LAMA2: variants seen among roughly 807,000 people sequenced by gnomAD.
The protein encoded by LAMA2 is laminin subunit alpha-2.
Under a neutral mutation model 364.8 loss-of-function variants are expected in LAMA2, and 269 were observed. The observed-to-expected ratio is 0.74, with a 90% confidence interval of 0.67 to 0.82. The LOEUF (loss-of-function observed/expected upper bound fraction) is 0.82. Ranked by LOEUF, LAMA2 falls within the 40% of genes least tolerant of loss-of-function variation. The pLI is 0.00. For synonymous variants in LAMA2, 1,379 were observed against 1,370.6 expected, an observed-to-expected ratio of 1.01 and a Z score of -0.14; for missense variants, 3,807 against 3,873.2, an observed-to-expected ratio of 0.98 and a Z score of 0.45.
At chr6:129,187,341 A>G (rs541330991) in intron 10 of LAMA2, among the ~76,000 whole-genome samples, 2 of 151,924 alleles carry the variant, frequency 1.3e-5, no homozygotes, top group Non-Finnish European at 3.0e-5. Flanking sequence ...AATGTGCACA[A>G]AAGTCCCAGA....
At chr6:128,920,686 T>C (rs1340690328) in intron 1 of LAMA2, among the ~76,000 whole-genome samples, 3 of 151,420 alleles carry the variant, frequency 2.0e-5, no homozygotes, top group Non-Finnish European at 4.4e-5. Flanking sequence ...ATATATATTA[T>C]ATATACATGT....
At chr6:129,055,042 T>A (rs1042679847) in intron 2 of LAMA2, among the ~76,000 whole-genome samples, 14 of 151,178 alleles carry the variant, frequency 9.3e-5, no homozygotes, top group Admixed American at 6.6e-4. Flanking sequence ...TGTTTTCACA[T>A]TGAAACCAAA....
Position 129,441,101 on chromosome 6 carries a change from G to A in LAMA2, c.6268+103G>A, listed in dbSNP as rs1280031165. The A allele has an allele frequency of 6.0e-6, 6 of 994,144 alleles. No individual in the cohort carries two copies. The African/African-American group carries it at 8.1e-5, about 13-fold the overall frequency. The allele number at this position is 994,144 out of a possible 1,614,324, so 61.6% of individuals were successfully genotyped here. Reference sequence around the variant, plus strand: ...GAGTTGGAAAGACCCTCATGGTGGTGTAGTCTGCCTTCCTTCTTTCATAGA... The same window carrying A: ...GAGTTGGAAAGACCCTCATGGTGGTATAGTCTGCCTTCCTTCTTTCATAGA... On this transcript the variant is annotated intron_variant, in intron 43 of 64. Coordinates refer to ENST00000421865, the MANE Select transcript of LAMA2 (RefSeq NM_000426.4).
chr6:128,949,165 C>A (rs544910648), intron 1 of LAMA2, among the ~76,000 whole-genome samples: 3 of 152,154 alleles, frequency 2.0e-5, no homozygotes, highest in Admixed American at 2.0e-4. Context: ...ACAAGACCAG[C>A]GAGGGCTACT....
intron 9 of LAMA2, among the ~76,000 whole-genome samples, chr6:129,171,087 T>C (rs1002484979): frequency 1.2e-4 from 19 of 152,186 alleles, no homozygotes; most frequent in African/African-American, 4.6e-4. Flanking sequence ...TGAGATGGGT[T>C]TCCTGAATAC....
chr6:129,159,860 A>G (rs1006453783), intron 8 of LAMA2, among the ~76,000 whole-genome samples: 4 of 152,240 alleles, frequency 2.6e-5, no homozygotes, highest in African/African-American at 9.6e-5. Context: ...TGAAATGAAC[A>G]TAAGGATTTT....
intron 4 of LAMA2, among the ~76,000 whole-genome samples, chr6:129,118,704 C>A (rs1228429066): frequency 6.6e-6 from 1 of 152,136 alleles, no homozygotes; most frequent in Admixed American, 6.6e-5. Flanking sequence ...CTTTAATAGA[C>A]TGGAACATAT....
At chr6:128,938,897 C>T (rs1190282108) in intron 1 of LAMA2, among the ~76,000 whole-genome samples, 2 of 152,164 alleles carry the variant, frequency 1.3e-5, no homozygotes, top group Non-Finnish European at 2.9e-5. Flanking sequence ...AAAAACCTAA[C>T]AATGACTTCA....
intron 4 of LAMA2, among the ~76,000 whole-genome samples, chr6:129,106,275 T>G (rs954133530): frequency 6.6e-6 from 1 of 152,086 alleles, no homozygotes; most frequent in African/African-American, 2.4e-5. Context: ...GACATTATGG[T>G]GGTCCTTAGA....
chr6:129,419,032 A>G (rs1780938483), intron 40 of LAMA2, among the ~76,000 whole-genome samples: 1 of 151,954 alleles, frequency 6.6e-6, no homozygotes, highest in Non-Finnish European at 1.5e-5. Context: ...CTACTCTCTT[A>G]GCAAAGCCAT....
At chr6:129,462,276 G>A (rs553342589) in intron 49 of LAMA2, among the ~76,000 whole-genome samples, 1 of 151,728 alleles carries the variant, frequency 6.6e-6, no homozygotes, top group African/African-American at 2.4e-5. Flanking sequence ...ACCCTATAAC[G>A]GTAGCTGAAT....
At chr6:129,439,339 A>G (rs1781989163) in intron 42 of LAMA2, among the ~76,000 whole-genome samples, 1 of 152,078 alleles carries the variant, frequency 6.6e-6, no homozygotes, top group Admixed American at 6.6e-5. Flanking sequence ...TTGAATTTAC[A>G]GATACAGAGC....
Position 129,366,362 on chromosome 6 carries a change from G to GGGC in LAMA2, c.4860+1_4860+2insGGC. 6.2e-7 allele frequency: 1 copy of GGGC among 1,613,446 alleles called. No homozygotes were observed. Among genetic ancestry groups the GGGC allele is most frequent in the Non-Finnish European group, 8.5e-7 (1 of 1,179,930 alleles). On this transcript the variant is annotated splice_donor_variant, in intron 33 of 64. Coordinates refer to ENST00000421865, the MANE Select transcript of LAMA2 (RefSeq NM_000426.4). LOFTEE classifies it high-confidence loss of function. ...TGAAAATATGACTCAGGAGCTAAAG[G>GGGC]TAGGTTGGTGCAGTCACAAGCAAGG...
chr6:129,199,953 C>T (rs982339706), intron 12 of LAMA2, among the ~76,000 whole-genome samples: 3 of 151,798 alleles, frequency 2.0e-5, no homozygotes, highest in Non-Finnish European at 1.5e-5. Flanking sequence ...GTGACAAACG[C>T]CTGCAATCCC....
At chr6:129,185,600 G>A (rs182138380) in intron 10 of LAMA2, among the ~76,000 whole-genome samples, 2 of 151,784 alleles carry the variant, frequency 1.3e-5, no homozygotes, top group East Asian at 3.9e-4. Context: ...TTCACATGGT[G>A]CATCTGTACA....
chr6:129,029,350 C>T (rs142502922), intron 1 of LAMA2, among the ~76,000 whole-genome samples: 52 of 151,942 alleles, frequency 3.4e-4, no homozygotes, highest in Middle Eastern at 3.4e-3. Flanking sequence ...TATGTGGCAG[C>T]ATATAAAAAC....
Position 129,106,163 on chromosome 6 carries a change from T to TC in LAMA2, c.639+7748_639+7749insC, listed in dbSNP as rs563333300. 6.0e-3 allele frequency among the ~76,000 whole-genome samples: 921 copies of TC among 152,238 alleles called. 7 individuals are homozygous for TC. Among genetic ancestry groups the TC allele is most frequent in the African/African-American group, 0.021 (883 of 41,562 alleles). ...TAAATCTTGAAGACACTTTTTTTTT[T>TC]TTTTGTAAACTGTATGTAGAGCTTT... On this transcript the variant is annotated intron_variant, in intron 4 of 64. Transcript: ENST00000421865.
At position 129,254,436 on chromosome 6, in the gene LAMA2, A is replaced by T. The variant is rs115807670; in HGVS notation, c.2096+2141A>T. On this transcript the variant is annotated intron_variant, in intron 14 of 64. Transcript: ENST00000421865. ...AGGACAATTGCTCTGCCAGCTTCAA[A>T]AAGTCACCGCAAGAATTGAATTAGA... Among the ~76,000 whole-genome samples the T allele has an allele frequency of 9.3e-3, 1,413 of 152,332 alleles. 20 individuals are homozygous for T. Among genetic ancestry groups the T allele is most frequent in the African/African-American group, 0.032 (1,340 of 41,576 alleles).
At chr6:129,218,577 C>A (rs1231026672) in intron 12 of LAMA2, among the ~76,000 whole-genome samples, 2 of 152,096 alleles carry the variant, frequency 1.3e-5, no homozygotes, top group Admixed American at 1.3e-4. Flanking sequence ...CAGTAACATT[C>A]ATTAAATGCC....
Sources: allele counts gnomAD v4.1 joint callset (sites outside exome capture counted in the v4.1 genomes callset), GRCh38; gene constraint gnomAD v4.1.1; transcripts MANE v1.5; gene names NCBI Gene and HGNC (gene_info 2026-07-23, HGNC 2026-07-21).